Variants in NRXN3 observed in about 807,000 individuals in gnomAD.
The protein encoded by NRXN3 is neurexin III.
NRXN3 carries 32 observed loss-of-function variants against 137.6 expected under a neutral mutation model. The ratio of observed to expected loss-of-function variants is 0.23; its 90% CI spans 0.18 to 0.31. The LOEUF (loss-of-function observed/expected upper bound fraction) is 0.31, where lower values mean the gene tolerates loss of function less well. Ranked by LOEUF, NRXN3 falls within the 10% of genes least tolerant of loss-of-function variation. The pLI is 1.00. For missense variants in NRXN3, 1,574 were observed against 2,062.5 expected (o/e 0.76, Z 4.59); for synonymous variants, 798 against 784.5 (o/e 1.02, Z -0.29).
chr14:78,343,000 C>T (rs923283018), intron 4 of NRXN3, among the ~76,000 whole-genome samples: 2 of 152,108 alleles, frequency 1.3e-5, no homozygotes, highest in Non-Finnish European at 2.9e-5. Flanking sequence ...ATAGTTCAGT[C>T]GTTCTCAAAG....
At chr14:78,209,684 AC>A in intron 1 of NRXN3, among the ~76,000 whole-genome samples, 1 of 151,792 alleles carries the variant, frequency 6.6e-6, no homozygotes, top group East Asian at 1.9e-4. Flanking sequence ...TGATCCAGTC[AC>A]CTCCCACCTG....
chr14:78,471,934 A>T (rs1452868338), intron 4 of NRXN3, among the ~76,000 whole-genome samples: 1 of 152,196 alleles, frequency 6.6e-6, no homozygotes, highest in Non-Finnish European at 1.5e-5. Flanking sequence ...GAAAAGTCAA[A>T]CCTACCTTTC....
chr14:79,189,180 A>G (rs1302774293), intron 15 of NRXN3, among the ~76,000 whole-genome samples: 1 of 151,996 alleles, frequency 6.6e-6, no homozygotes, highest in Non-Finnish European at 1.5e-5. Flanking sequence ...AATGTGGCAC[A>G]TATACACCAT....
At chr14:78,675,275 A>G (rs2097990159) in intron 6 of NRXN3, among the ~76,000 whole-genome samples, 1 of 152,190 alleles carries the variant, frequency 6.6e-6, no homozygotes, top group Admixed American at 6.5e-5. Context: ...ATCAGCCCCC[A>G]GGTCATCTTA....
chr14:78,194,330 C>T (rs1008119171), intron 1 of NRXN3, among the ~76,000 whole-genome samples: 5 of 151,966 alleles, frequency 3.3e-5, no homozygotes, highest in Admixed American at 1.3e-4. Flanking sequence ...GGGAGAAGGT[C>T]AGGGCAGTAA....
rs145869962 is a variant in NRXN3 at position 79,465,656 on chromosome 14, T to C, written c.3263-1565T>C. Among the ~76,000 whole-genome samples the C allele has an allele frequency of 1.2e-3, 176 of 152,318 alleles. 1 individual carries two copies. Among genetic ancestry groups the C allele is most frequent in the African/African-American group, 4.2e-3 (175 of 41,572 alleles). The stretch of plus-strand genomic sequence containing the variant: ...TGGTCAACATAATTCTACCTAATAT[T>C]CTCTGTAAACTAGCTCTGGAAATAC... On this transcript the variant is annotated intron_variant, in intron 15 of 20. Transcript: ENST00000335750.
chr14:78,196,304 C>T (rs1022534807), intron 1 of NRXN3, among the ~76,000 whole-genome samples: 3 of 152,150 alleles, frequency 2.0e-5, no homozygotes, highest in Admixed American at 6.5e-5. Flanking sequence ...GACAAGGGCT[C>T]CTTAAAAGGT....
chr14:78,499,526 GTTTAACAC>G (rs2095846659), intron 4 of NRXN3, among the ~76,000 whole-genome samples: 1 of 152,140 alleles, frequency 6.6e-6, no homozygotes, highest in Admixed American at 6.5e-5. Flanking sequence ...ATCTTTTGCT[GTTTAACAC>G]ATTTCCACAA....
intron 10 of NRXN3, among the ~76,000 whole-genome samples, chr14:78,886,291 A>G (rs2099143475): frequency 6.6e-6 from 1 of 152,154 alleles, no homozygotes; most frequent in Non-Finnish European, 1.5e-5. Flanking sequence ...AAATAAAAAG[A>G]AATAAAAACA....
intron 8 of NRXN3, among the ~76,000 whole-genome samples, chr14:78,784,402 G>C (rs1445723114): frequency 1.3e-5 from 2 of 152,206 alleles, no homozygotes; most frequent in Non-Finnish European, 2.9e-5. Context: ...TAGATGATGA[G>C]CTGTAAAGTA....
intron 15 of NRXN3, among the ~76,000 whole-genome samples, chr14:79,371,511 G>T (rs2094109117): frequency 6.6e-6 from 1 of 151,872 alleles, no homozygotes; most frequent in Non-Finnish European, 1.5e-5. Flanking sequence ...CCAAATAAAT[G>T]TCTTTTTTTA....
At chr14:79,180,721 G>A (rs115787414) in intron 15 of NRXN3, among the ~76,000 whole-genome samples, 2 of 152,066 alleles carry the variant, frequency 1.3e-5, no homozygotes, top group Middle Eastern at 3.2e-3. Context: ...ATCACAGGGC[G>A]CTGTGGAAGC....
chr14:79,256,543 A>G (rs193290743), intron 15 of NRXN3, among the ~76,000 whole-genome samples: 19 of 152,212 alleles, frequency 1.2e-4, no homozygotes, highest in Admixed American at 1.2e-3. Flanking sequence ...GAGCCCCCCA[A>G]AGAGAGACTA....
chr14:79,406,226 C>G (rs992743866), intron 15 of NRXN3, among the ~76,000 whole-genome samples: 1 of 151,784 alleles, frequency 6.6e-6, no homozygotes, highest in African/African-American at 2.4e-5. Context: ...TCAAGATCAT[C>G]CTTTAGACAT....
At chr14:78,230,007 A>G (rs1005451762) in intron 1 of NRXN3, among the ~76,000 whole-genome samples, 1 of 152,048 alleles carries the variant, frequency 6.6e-6, no homozygotes, top group Non-Finnish European at 1.5e-5. Context: ...TTTCCAATGT[A>G]GATCCCTTTA....
At chr14:78,181,803 ACT>A (rs1310937432) in intron 1 of NRXN3, among the ~76,000 whole-genome samples, 1 of 151,656 alleles carries the variant, frequency 6.6e-6, no homozygotes, top group African/African-American at 2.4e-5. Context: ...ATAGTCGGAG[ACT>A]CTCAGAGCTG....
intron 2 of NRXN3, among the ~76,000 whole-genome samples, chr14:78,258,079 C>T (rs546088441): frequency 1.3e-5 from 2 of 152,266 alleles, no homozygotes; most frequent in East Asian, 3.9e-4. Context: ...CTCTGTGTTT[C>T]CATTTTGCCA....
intron 15 of NRXN3, among the ~76,000 whole-genome samples, chr14:79,462,504 T>TATACAC (rs35140128): frequency 3.6e-3 from 542 of 149,922 alleles, no homozygotes; most frequent in South Asian, 7.3e-3. Flanking sequence ...TATATATATA[T>TATACAC]ACACACATAT....
intron 16 of NRXN3, among the ~76,000 whole-genome samples, chr14:79,468,703 A>G (rs1389465755): frequency 6.6e-6 from 1 of 152,188 alleles, no homozygotes. Context: ...TTGCTCTTCC[A>G]GCATGCCTTG....
Sources: allele counts gnomAD v4.1 joint callset (sites outside exome capture counted in the v4.1 genomes callset), GRCh38; gene constraint gnomAD v4.1.1; transcripts MANE v1.5; gene names NCBI Gene and HGNC (gene_info 2026-07-23, HGNC 2026-07-21).